Variants in MEGF11 observed in about 807,000 individuals in gnomAD.
MEGF11 encodes multiple epidermal growth factor-like domains protein 11.
In MEGF11, 126 loss-of-function variants were observed where a neutral mutation model predicts 146.6. The ratio of observed to expected loss-of-function variants is 0.86; its 90% CI spans 0.74 to 1.00. The LOEUF (loss-of-function observed/expected upper bound fraction) is 1.00. Ranked by LOEUF, MEGF11 falls within the 50% of genes least tolerant of loss-of-function variation. The pLI, the probability that MEGF11 is intolerant of heterozygous loss-of-function variation, is 0.00. For missense variants in MEGF11, 1,509 were observed against 1,521.2 expected, an observed-to-expected ratio of 0.99 and a Z score of 0.13; for synonymous variants, 532 against 583.4, an observed-to-expected ratio of 0.91 and a Z score of 1.27.
rs542144671 is a variant in MEGF11, at chr15:65,946,927, C to T, written c.1287+10620G>A. ...CACCTGTGCCTCATGGCCAGGGAGC[C>T]CCTGACTGGCTTCCCTGGGCCTGTC... On this transcript the variant is annotated intron_variant, in intron 10 of 25. Transcript: ENST00000395614. 3.9e-5 allele frequency among the ~76,000 whole-genome samples: 6 copies of T among 152,302 alleles called. No homozygotes were observed. The South Asian group carries it at 1.2e-3, about 32-fold the overall frequency.
chr15:66,094,335 C>T (rs2086444905), intron 5 of MEGF11, 67 bp downstream of exon 5: 1 of 1,375,806 alleles, frequency 7.3e-7, no homozygotes, highest in South Asian at 1.3e-5. Context: ...AGCATGCACA[C>T]ACCACAACCC....
At chr15:66,118,002 A>T (rs1391101393) in intron 4 of MEGF11, among the ~76,000 whole-genome samples, 3 of 152,024 alleles carry the variant, frequency 2.0e-5, no homozygotes, top group Non-Finnish European at 4.4e-5. Flanking sequence ...ACATCAACAC[A>T]CCCACTCTGC....
intron 5 of MEGF11, among the ~76,000 whole-genome samples, chr15:66,083,685 G>A (rs2085987452): frequency 6.6e-6 from 1 of 152,120 alleles, no homozygotes; most frequent in African/African-American, 2.4e-5. Flanking sequence ...AGGCTGAGGT[G>A]GGGGCATTGC....
intron 1 of MEGF11, among the ~76,000 whole-genome samples, chr15:66,223,915 G>A (rs1016203186): frequency 6.6e-6 from 1 of 152,126 alleles, no homozygotes; most frequent in Non-Finnish European, 1.5e-5. Context: ...CCCCCTCCTT[G>A]GGGTGGCTGA....
In MEGF11 at chr15:66,040,619, G is replaced by A. The variant is rs746055732; in HGVS notation, c.394+53783C>T. 6.5e-4 allele frequency among the ~76,000 whole-genome samples: 99 copies of A among 152,164 alleles called. 1 individual carries two copies. Among genetic ancestry groups the A allele is most frequent in the Non-Finnish European group, 4.0e-4 (27 of 68,018 alleles). On this transcript the variant is annotated intron_variant, in intron 5 of 25. Transcript: ENST00000395614. ...GGTTCATGCCAAGGGCTGATTATGT[G>A]GGCACAGAGGTGGCAGTGCTAAATG... is the stretch of plus-strand genomic sequence containing the variant.
intron 1 of MEGF11, among the ~76,000 whole-genome samples, chr15:66,187,877 C>T (rs2090753714): frequency 6.6e-6 from 1 of 152,196 alleles, no homozygotes; most frequent in Non-Finnish European, 1.5e-5. Flanking sequence ...GATAACTGAA[C>T]GGTGGTTATG....
At chr15:66,000,372 A>T (rs957960784) in intron 5 of MEGF11, among the ~76,000 whole-genome samples, 2 of 152,128 alleles carry the variant, frequency 1.3e-5, no homozygotes, top group East Asian at 1.9e-4. Context: ...CTACAAAAAA[A>T]TTTTTAAATA....
At chr15:65,910,156 T>C (rs1417300533) in intron 21 of MEGF11, among the ~76,000 whole-genome samples, 1 of 152,104 alleles carries the variant, frequency 6.6e-6, no homozygotes, top group Non-Finnish European at 1.5e-5. Flanking sequence ...AGCTGCAACA[T>C]GAGGCCATCT....
intron 4 of MEGF11, among the ~76,000 whole-genome samples, chr15:66,106,085 C>T (rs1049717837): frequency 6.6e-6 from 1 of 152,198 alleles, no homozygotes; most frequent in Non-Finnish European, 1.5e-5. Flanking sequence ...ATTTGGCTCC[C>T]CTTCCCCACC....
chr15:66,214,612 G>C (rs2091540859), intron 1 of MEGF11, among the ~76,000 whole-genome samples: 1 of 152,222 alleles, frequency 6.6e-6, no homozygotes, highest in Non-Finnish European at 1.5e-5. Context: ...AAGCCAGCCA[G>C]GTAGGATCCA....
intron 7 of MEGF11, among the ~76,000 whole-genome samples, chr15:65,974,014 TC>T (rs2081374806): frequency 6.6e-6 from 1 of 152,208 alleles, no homozygotes; most frequent in South Asian, 2.1e-4. Context: ...CTGCTGCCCT[TC>T]CAGCCCTGCG....
chr15:65,903,772 C>T (rs1000808432), intron 24 of MEGF11, among the ~76,000 whole-genome samples: 2 of 152,132 alleles, frequency 1.3e-5, no homozygotes, highest in African/African-American at 4.8e-5. Flanking sequence ...TTTCGGGGGG[C>T]GTTAGCCAAT....
intron 1 of MEGF11, among the ~76,000 whole-genome samples, chr15:66,241,718 C>T (rs534946962): frequency 6.6e-6 from 1 of 152,138 alleles, no homozygotes; most frequent in Non-Finnish European, 1.5e-5. Context: ...ACCAGCCCTG[C>T]AATACACACA....
At chr15:66,140,848 A>C (rs1369010916) in intron 1 of MEGF11, among the ~76,000 whole-genome samples, 2 of 152,210 alleles carry the variant, frequency 1.3e-5, no homozygotes, top group Admixed American at 6.5e-5. Flanking sequence ...GTCTGAGCTC[A>C]GCCGGGTATT....
intron 10 of MEGF11, among the ~76,000 whole-genome samples, chr15:65,957,043 A>G (rs182689540): frequency 2.6e-5 from 4 of 152,202 alleles, no homozygotes; most frequent in African/African-American, 7.2e-5. Flanking sequence ...AGGGAATGCT[A>G]TTTGTATGAA....
At chr15:66,188,290 T>G (rs1345324571) in intron 1 of MEGF11, among the ~76,000 whole-genome samples, 2 of 152,158 alleles carry the variant, frequency 1.3e-5, no homozygotes, top group Non-Finnish European at 2.9e-5. Flanking sequence ...ACTGTTTTTA[T>G]CTTTCCTGTA....
At chr15:66,159,310 T>C (rs892930253) in intron 1 of MEGF11, among the ~76,000 whole-genome samples, 1 of 152,232 alleles carries the variant, frequency 6.6e-6, no homozygotes, top group African/African-American at 2.4e-5. Flanking sequence ...GCACCCACTG[T>C]GCCCATCTTG....
chr15:66,094,251 G>C (rs2086441233), intron 5 of MEGF11, 151 bp downstream of exon 5: 1 of 595,886 alleles, frequency 1.7e-6, no homozygotes, highest in Non-Finnish European at 3.0e-6. Flanking sequence ...TTAACTGTAG[G>C]TATACCTCCT....
chr15:65,901,911 TTAGTAAA>T (rs1189451387), intron 24 of MEGF11: 1 of 151,900 alleles, frequency 6.6e-6, no homozygotes, highest in African/African-American at 2.4e-5. Context: ...ATTCCTAATG[TTAGTAAA>T]TAGTTTAGTC....
Sources: gnomAD v4.1 joint callset for allele counts (sites outside exome capture counted in the v4.1 genomes callset) on GRCh38, gnomAD v4.1.1 for gene constraint, MANE v1.5 for transcripts, NCBI Gene and HGNC (gene_info 2026-07-23, HGNC 2026-07-21) for gene names.